Variants in SENP7 observed in about 807,000 individuals in gnomAD.
The protein encoded by SENP7 is SUMO specific peptidase 7, also known as sentrin-specific protease 7.
Under a neutral mutation model 141.2 loss-of-function variants are expected in SENP7, and 64 were observed. That is an observed-to-expected ratio of 0.45 (90% CI 0.37 to 0.56). SENP7 has a LOEUF of 0.56. Ranked by LOEUF, SENP7 falls within the 20% of genes least tolerant of loss-of-function variation. The pLI, the probability that SENP7 is intolerant of heterozygous loss-of-function variation, is 0.00. For missense variants in SENP7, 1,025 were observed against 1,212.2 expected, an observed-to-expected ratio of 0.85 and a Z score of 2.29; for synonymous variants, 382 against 426.4, an observed-to-expected ratio of 0.90 and a Z score of 1.28.
At chr3:101,428,660 A>G (rs2062046714) in intron 4 of SENP7, among the ~76,000 whole-genome samples, 2 of 152,098 alleles carry the variant, frequency 1.3e-5, no homozygotes, top group Admixed American at 1.3e-4. Flanking sequence ...CTGTTCACTC[A>G]GCTGATAGTT....
chr3:101,328,728 A>G, intron 20 of SENP7, 39 bp from the exon 21 acceptor site: 1 of 1,456,866 alleles, frequency 6.9e-7, no homozygotes, highest in Non-Finnish European at 9.6e-7. Flanking sequence ...AATTAAAGCT[A>G]TTTTGAATAA....
At chr3:101,361,617 T>C in intron 11 of SENP7, 98 bp downstream of exon 11, 1 of 1,242,262 alleles carries the variant, frequency 8.0e-7, no homozygotes. Context: ...AAATAAATCT[T>C]AATTCTATTC....
intron 5 of SENP7, among the ~76,000 whole-genome samples, chr3:101,407,526 T>A (rs1360299588): frequency 6.6e-6 from 1 of 152,106 alleles, no homozygotes; most frequent in Non-Finnish European, 1.5e-5. Flanking sequence ...AGACAGACCA[T>A]ATGATAGGCC....
At chr3:101,450,346 C>T (rs923493070) in intron 4 of SENP7, among the ~76,000 whole-genome samples, 8 of 152,178 alleles carry the variant, frequency 5.3e-5, no homozygotes, top group African/African-American at 1.9e-4. Flanking sequence ...TTGAACTCAG[C>T]TCTGCACCAA....
chr3:101,512,085 G>C (rs1163672448), intron 1 of SENP7, among the ~76,000 whole-genome samples: 1 of 152,242 alleles, frequency 6.6e-6, no homozygotes, highest in African/African-American at 2.4e-5. Context: ...CTCCCAAGGT[G>C]TTGGCATTAC....
At chr3:101,457,527 T>C (rs2063393738) in intron 4 of SENP7, 2 of 1,609,124 alleles carry the variant, frequency 1.2e-6, no homozygotes, top group South Asian at 1.1e-5. Context: ...CACTGTTCCT[T>C]GGTTTGTAAA....
chr3:101,448,272 T>G (rs1461899039), intron 4 of SENP7, among the ~76,000 whole-genome samples: 1 of 152,192 alleles, frequency 6.6e-6, no homozygotes, highest in Non-Finnish European at 1.5e-5. Context: ...AAAACTTTTA[T>G]GTTTCAAAGG....
rs908838264 is a variant in SENP7, at chr3:101,324,759, A to C, written c.*1184T>G. ...AGAGATGCTTAAAACAGATTAAAAT[A>C]ATATTGTTAAAAAACATTTTTCTTA... On this transcript the variant is annotated 3_prime_UTR_variant, in exon 24 of 24. Transcript: ENST00000394095. 3 of 152,078 alleles carry C rather than the reference A, an allele frequency of 2.0e-5. No individual in the cohort carries two copies. Among genetic ancestry groups the C allele is most frequent in the Non-Finnish European group, 2.9e-5 (2 of 67,956 alleles). 9.4% of individuals were successfully genotyped at this position (152,078 alleles called of 1,614,324 possible). A position where few individuals can be genotyped will look rare whatever the true frequency, so the allele number is the denominator to read the frequency against.
intron 14 of SENP7, among the ~76,000 whole-genome samples, chr3:101,342,290 T>C (rs895568073): frequency 1.3e-5 from 2 of 152,204 alleles, no homozygotes; most frequent in African/African-American, 4.8e-5. Context: ...TGTATGTGCA[T>C]GCATGTGCAC....
At chr3:101,482,373 T>G (rs577384123) in intron 3 of SENP7, among the ~76,000 whole-genome samples, 2 of 149,832 alleles carry the variant, frequency 1.3e-5, no homozygotes, top group African/African-American at 4.9e-5. Flanking sequence ...ATGTACAAGA[T>G]CTGTATGAGG....
chr3:101,476,187 G>A (rs2064207187), intron 3 of SENP7, among the ~76,000 whole-genome samples: 1 of 152,046 alleles, frequency 6.6e-6, no homozygotes, highest in Non-Finnish European at 1.5e-5. Context: ...TGCCATGGTG[G>A]TTTGCTGCAC....
chr3:101,457,518 A>G (rs1390416948), intron 4 of SENP7: 11 of 1,609,328 alleles, frequency 6.8e-6, no homozygotes, highest in Non-Finnish European at 9.3e-6. Context: ...AAAGTGGATC[A>G]CTGTTCCTTG....
intron 1 of SENP7, among the ~76,000 whole-genome samples, chr3:101,506,630 G>A (rs1408878547): frequency 2.0e-5 from 3 of 152,180 alleles, no homozygotes; most frequent in Non-Finnish European, 4.4e-5. Flanking sequence ...AGACAACTCA[G>A]CAAGCTAGAA....
At chr3:101,414,479 A>G (rs2061550025) in intron 5 of SENP7, 3 of 1,512,272 alleles carry the variant, frequency 2.0e-6, no homozygotes, top group Non-Finnish European at 2.8e-6. Context: ...CAATGCAACA[A>G]CAAAGCCAAA....
Position 101,324,526 on chromosome 3 carries a change from T to G in SENP7, c.*1417A>C, listed in dbSNP as rs2058854110. On this transcript the variant is annotated 3_prime_UTR_variant, in exon 24 of 24. Coordinates refer to ENST00000394095, the MANE Select transcript of SENP7 (RefSeq NM_020654.5). ...CAACACACACAAATTGGGAATGAAA[T>G]ATGTAATTATAGCCATCTTTATATG... 6.6e-6 allele frequency: 1 copy of G among 152,106 alleles called. No homozygotes were observed. Among genetic ancestry groups the G allele is most frequent in the Non-Finnish European group, 1.5e-5 (1 of 67,946 alleles). 9.4% of individuals were successfully genotyped at this position (152,106 alleles called of 1,614,324 possible). A position where few individuals can be genotyped will look rare whatever the true frequency, so the allele number is the denominator to read the frequency against.
intron 4 of SENP7, among the ~76,000 whole-genome samples, chr3:101,430,627 T>C (rs1032802026): frequency 6.6e-6 from 1 of 152,200 alleles, no homozygotes; most frequent in Non-Finnish European, 1.5e-5. Context: ...GTTGATCTTT[T>C]CAAAAAAACC....
Position 101,326,053 on chromosome 3 carries a change from T to G in SENP7, c.3043A>C (p.Ile1015Leu). ...CGAGGAAACCACTTCTCCAAATGAA[T>G]TGGAAGTTCAAAGTTAACAATAGGA... Reference protein sequence around the residue: ...KDPIVNFELPIHLEKWFPRHV... With the variant: ...KDPIVNFELPLHLEKWFPRHV... The change falls in exon 24 of 24, where the codon ATT becomes CTT. Residue 1015 changes from isoleucine to leucine, a missense_variant. Around this residue, in one of 4 missense-constraint regions of SENP7, gnomAD observed 295 missense variants for 459.1 expected, o/e 0.64. Transcript: ENST00000394095. The G allele has an allele frequency of 6.2e-7, 1 of 1,609,020 alleles. No homozygotes were observed. Among genetic ancestry groups the G allele is most frequent in the Non-Finnish European group, 8.5e-7 (1 of 1,177,402 alleles).
intron 1 of SENP7, among the ~76,000 whole-genome samples, chr3:101,507,945 A>G (rs2065689957): frequency 6.8e-6 from 1 of 147,452 alleles, no homozygotes; most frequent in Non-Finnish European, 1.5e-5. Flanking sequence ...GCTACTCAGG[A>G]GGCTGATGCA....
chr3:101,395,281 T>C (rs545933129), intron 6 of SENP7, among the ~76,000 whole-genome samples: 33 of 152,340 alleles, frequency 2.2e-4, no homozygotes, highest in Admixed American at 2.2e-3. Context: ...TAGTTTCAGG[T>C]CTTACGTTTA....
Sources: allele counts gnomAD v4.1 joint callset (sites outside exome capture counted in the v4.1 genomes callset), GRCh38; gene constraint gnomAD v4.1.1; regional missense constraint gnomAD v4.1.1; transcripts MANE v1.5; gene names NCBI Gene and HGNC (gene_info 2026-07-23, HGNC 2026-07-21).